FANCM: variants seen among roughly 807,000 people sequenced by gnomAD.
The protein encoded by FANCM is FA complementation group M.
Under a neutral mutation model 199.5 loss-of-function variants are expected in FANCM, and 140 were observed. That is an observed-to-expected ratio of 0.70 (90% CI 0.61 to 0.81). The LOEUF is 0.81. Ranked by LOEUF, FANCM falls within the 30% of genes least tolerant of loss-of-function variation. The pLI, the probability that FANCM is intolerant of heterozygous loss-of-function variation, is 0.00. For synonymous variants in FANCM, 840 were observed against 836.8 expected (o/e 1.00, Z -0.07); for missense variants, 2,410 against 2,421.4 (o/e 1.00, Z 0.10).
In FANCM at chr14:45,136,097, T is replaced by A; in HGVS notation, c.66T>A (p.Thr22=). The A allele has an allele frequency of 6.2e-7, 1 of 1,614,120 alleles. No homozygotes were observed. The highest frequency in any genetic ancestry group is 8.5e-7 in the Non-Finnish European group (1 of 1,180,020). ...CAAGTATCTCCCGATCATCTGGGAC[T>A]CCGGGTTGCAGCTCCGGAACTGAGC... ...WGSSISRSSG[T]PGCSSGTERP... The change falls in exon 1 of 23, where the codon ACT becomes ACA. Residue 22 remains threonine (T), a synonymous_variant. Coordinates refer to ENST00000267430, the MANE Select transcript of FANCM (RefSeq NM_020937.4).
At chr14:45,143,689 G>T (rs1235866291) in intron 3 of FANCM, among the ~76,000 whole-genome samples, 8 of 142,938 alleles carry the variant, frequency 5.6e-5, no homozygotes, top group Non-Finnish European at 1.5e-5. Flanking sequence ...ATTGAGTAAG[G>T]ATTTTTTTTT....
intron 14 of FANCM, among the ~76,000 whole-genome samples, chr14:45,179,318 C>T: frequency 6.6e-6 from 1 of 151,920 alleles, no homozygotes; most frequent in Non-Finnish European, 1.5e-5. Context: ...CTCAGCTCAC[C>T]CTCAGCTTCA....
At chr14:45,171,485 C>T (rs189198617) in intron 12 of FANCM, among the ~76,000 whole-genome samples, 96 of 152,146 alleles carry the variant, frequency 6.3e-4, no homozygotes, top group African/African-American at 2.1e-3. Context: ...TCCTACTCTT[C>T]CCCCCGAGTC....
intron 17 of FANCM, 45 bp downstream of exon 17, chr14:45,183,947 G>A (rs781654902): frequency 1.3e-5 from 19 of 1,422,814 alleles, no homozygotes; most frequent in Non-Finnish European, 1.6e-5. Context: ...CATTTTATCA[G>A]TAAAGATAAT....
Position 45,176,440 on chromosome 14 carries a change from C to A in FANCM, c.3686C>A (p.Ser1229Tyr). The A allele has an allele frequency of 1.9e-6, 3 of 1,612,950 alleles. No homozygotes were observed. The highest frequency in any genetic ancestry group is 2.5e-6 in the Non-Finnish European group (3 of 1,179,800). The stretch of plus-strand genomic sequence containing the variant: ...TTTGATTGCTCTAGGGATTTATTTT[C>A]TGTTACCTTTGATTTAGGATTCTGT... Reference protein sequence around the residue: ...DIFDCSRDLFSVTFDLGFCSP... With the variant: ...DIFDCSRDLFYVTFDLGFCSP... Residue 1229 changes from serine (S) to tyrosine (Y), a missense_variant, in exon 14 of 23, where the codon TCT becomes TAT. Transcript: ENST00000267430.
At chr14:45,199,770 T>C in intron 22 of FANCM, 100 bp from the exon 23 acceptor site, 1 of 1,044,734 alleles carries the variant, frequency 9.6e-7, no homozygotes, top group Non-Finnish European at 1.5e-6. Context: ...CTTGAGATGA[T>C]TTCCTTAAAG....
At chr14:45,172,516 C>T (rs139290120) in intron 12 of FANCM, among the ~76,000 whole-genome samples, 4 of 152,200 alleles carry the variant, frequency 2.6e-5, no homozygotes, top group African/African-American at 4.8e-5. Flanking sequence ...GTGTCCTTTC[C>T]CCACTTTATG....
Position 45,196,558 on chromosome 14 carries a change from T to A in FANCM, c.5716+11T>A. 6.2e-7 allele frequency: 1 copy of A among 1,610,974 alleles called. No homozygotes were observed. The highest frequency in any genetic ancestry group is 8.5e-7 in the Non-Finnish European group (1 of 1,179,188). Reference sequence around the variant, plus strand: ...ACAGAGAAAAAACAGGTTTGTATTTTTAAATATCTTTGTTTATAAGACTGT... The same window carrying A: ...ACAGAGAAAAAACAGGTTTGTATTTATAAATATCTTTGTTTATAAGACTGT... On this transcript the variant is annotated intron_variant, in intron 21 of 22. Transcript: ENST00000267430.
intron 19 of FANCM, 118 bp downstream of exon 19, chr14:45,188,005 T>C: frequency 1.5e-6 from 1 of 680,794 alleles, no homozygotes; most frequent in East Asian, 2.8e-5. Flanking sequence ...TTGAGATCAT[T>C]TCTGCCCAAA....
In FANCM at chr14:45,173,098, A is replaced by C; in HGVS notation, c.2204A>C (p.Glu735Ala). ...GGAATTCATCAACTCTCTCTCTCTG[A>C]ATGGAGACTGTGGCAAGATCATCCT... ...TTGIHQLSLS[E>A]WRLWQDHPLP... Residue 735 changes from glutamate to alanine, a missense_variant, in exon 13 of 23, where the codon GAA becomes GCA. By Grantham distance (107) the Glu-to-Ala change is moderately radical (BLOSUM62 -1). Coordinates refer to ENST00000267430, the MANE Select transcript of FANCM (RefSeq NM_020937.4). 4 of 1,611,678 alleles carry C rather than the reference A, an allele frequency of 2.5e-6. No individual in the cohort carries two copies. The highest frequency in any genetic ancestry group is 3.4e-6 in the Non-Finnish European group (4 of 1,177,884).
chr14:45,153,908 C>T lies in FANCM; in HGVS notation c.1051-12C>T, dbSNP rs374855389. On this transcript the variant is annotated splice_polypyrimidine_tract_variant and intron_variant, in intron 5 of 22. Coordinates refer to ENST00000267430, the MANE Select transcript of FANCM (RefSeq NM_020937.4). ...TTTCTCTGGTTAAATTTGACATATG[C>T]TGTTTTTCTAGGGAATACAACAAGG... 10 of 1,607,182 alleles carry T rather than the reference C, an allele frequency of 6.2e-6. No homozygotes were observed. In the African/African-American group the frequency reaches 9.4e-5, roughly 15 times the overall value.
chr14:45,154,737 C>A lies in FANCM; in HGVS notation c.1224C>A (p.Asp408Glu). The A allele has an allele frequency of 6.2e-7, 1 of 1,603,344 alleles. No homozygotes were observed. Among genetic ancestry groups the A allele is most frequent in the Non-Finnish European group, 8.5e-7 (1 of 1,172,430 alleles). Residue 408 changes from aspartate (D) to glutamate (E), a missense_variant, in exon 7 of 23, where the codon GAC becomes GAA. Transcript: ENST00000267430. ...AAAATGAACTTGGCCGAAATGAAGACTTCATGAAACTCTATAATCATCTAG... is the reference window on the plus strand; with the variant it reads ...AAAATGAACTTGGCCGAAATGAAGAATTCATGAAACTCTATAATCATCTAG... ...RSKNELGRNE[D>E]FMKLYNHLEC...
intron 14 of FANCM, among the ~76,000 whole-genome samples, chr14:45,178,369 G>A (rs1888847640): frequency 2.0e-5 from 3 of 152,026 alleles, no homozygotes; most frequent in African/African-American, 7.3e-5. Flanking sequence ...AATTTTTCTG[G>A]TTTTGCGTCA....
intron 18 of FANCM, among the ~76,000 whole-genome samples, chr14:45,187,533 A>C (rs553223181): frequency 6.6e-6 from 1 of 152,164 alleles, no homozygotes; most frequent in Non-Finnish European, 1.5e-5. Context: ...TTTCAGAGAG[A>C]TAGATAAAGC....
chr14:45,149,978 A>G (rs1886702883), intron 4 of FANCM, among the ~76,000 whole-genome samples: 1 of 152,222 alleles, frequency 6.6e-6, no homozygotes, highest in African/African-American at 2.4e-5. Context: ...TCAATATTAT[A>G]GCTGTTAAGG....
At chr14:45,139,854 G>A (rs929748844) in intron 2 of FANCM, among the ~76,000 whole-genome samples, 8 of 151,904 alleles carry the variant, frequency 5.3e-5, no homozygotes, top group East Asian at 1.9e-4. Flanking sequence ...GTATGCTGGC[G>A]CATACCTGTA....
At chr14:45,141,746 C>T (rs1885979347) in intron 3 of FANCM, among the ~76,000 whole-genome samples, 1 of 151,580 alleles carries the variant, frequency 6.6e-6, no homozygotes, top group South Asian at 2.1e-4. Flanking sequence ...TCCATCACCA[C>T]GCCTGGCTAA....
chr14:45,191,634 G>C (rs896605982), intron 20 of FANCM, among the ~76,000 whole-genome samples: 2 of 152,182 alleles, frequency 1.3e-5, no homozygotes, highest in Non-Finnish European at 2.9e-5. Context: ...GGGATCAGTA[G>C]GGCTTAGTGG....
rs754114456 is a variant in FANCM, at chr14:45,189,292, A to G, written c.5270A>G (p.Gln1757Arg). The G allele has an allele frequency of 2.5e-6, 4 of 1,613,880 alleles. No individual in the cohort carries two copies. The highest frequency in any genetic ancestry group is 2.7e-5 in the African/African-American group (2 of 75,056). The change falls in exon 20 of 23, where the codon CAG becomes CGG. Residue 1757 changes from glutamine (Q) to arginine (R), a missense_variant. Gln to Arg is a conservative substitution (Grantham distance 43, BLOSUM62 1). Transcript: ENST00000267430. ...DFKPQNHNEVQSTTPPFTTVD... is the reference protein window; with the variant it reads ...DFKPQNHNEVRSTTPPFTTVD... ...AAACCTCAGAATCATAATGAAGTCCAGTCTACCACACCACCCTTCACTACT... is the reference window on the plus strand; with the variant it reads ...AAACCTCAGAATCATAATGAAGTCCGGTCTACCACACCACCCTTCACTACT...
Sources: gnomAD v4.1 joint callset for allele counts (sites outside exome capture counted in the v4.1 genomes callset) on GRCh38, gnomAD v4.1.1 for gene constraint, MANE v1.5 for transcripts, NCBI Gene and HGNC (gene_info 2026-07-23, HGNC 2026-07-21) for gene names.